Variants in CCDC171 observed in about 807,000 individuals in gnomAD.
CCDC171 encodes the protein coiled-coil domain containing 171, also known as coiled-coil domain-containing protein 171.
In CCDC171, 177 loss-of-function variants were observed where a neutral mutation model predicts 168.2. The observed-to-expected ratio is 1.05, with a 90% CI of 0.93 to 1.19. CCDC171 has a LOEUF of 1.19. CCDC171 is among the 50% of genes most tolerant of loss of function. The pLI is 0.00. For synonymous variants in CCDC171, 687 were observed against 540.8 expected, an observed-to-expected ratio of 1.27 and a Z score of -3.75; for missense variants, 1,991 against 1,539.0, an observed-to-expected ratio of 1.29 and a Z score of -4.91.
intron 11 of CCDC171, 144 bp downstream of exon 11, chr9:15,695,481 T>C: frequency 1.5e-6 from 1 of 666,816 alleles, no homozygotes; most frequent in Non-Finnish European, 2.7e-6. Flanking sequence ...CTCACAGCAG[T>C]CAGTTGGCCT....
chr9:16,044,606 G>T (rs1833627607), intron 1 of CCDC171, among the ~76,000 whole-genome samples: 1 of 151,318 alleles, frequency 6.6e-6, no homozygotes, highest in Non-Finnish European at 1.5e-5. Flanking sequence ...TGTAACTGTA[G>T]GCAGATGTAA....
At chr9:15,842,944 A>G (rs1300639185) in intron 21 of CCDC171, among the ~76,000 whole-genome samples, 3 of 151,936 alleles carry the variant, frequency 2.0e-5, no homozygotes, top group Non-Finnish European at 4.4e-5. Context: ...CATTGAAAAA[A>G]TGTGTGGGTC....
At chr9:16,103,840 G>A in the CCDC171 span, among the ~76,000 whole-genome samples, 37 of 152,334 alleles carry the variant, frequency 2.4e-4, no homozygotes, top group Non-Finnish European at 4.7e-4. Flanking sequence ...CTCCGGGGGG[G>A]CTGGGGGAGA....
intron 21 of CCDC171, among the ~76,000 whole-genome samples, chr9:15,792,515 T>G (rs1056895504): frequency 6.6e-6 from 1 of 151,976 alleles, no homozygotes; most frequent in Non-Finnish European, 1.5e-5. Context: ...CCAAGACACA[T>G]AATTGTCAGA....
chr9:15,832,364 G>C (rs996223882), intron 21 of CCDC171, among the ~76,000 whole-genome samples: 7 of 152,168 alleles, frequency 4.6e-5, no homozygotes, highest in Non-Finnish European at 7.3e-5. Flanking sequence ...GCTGTGCTCT[G>C]AGAAATGTGT....
At chr9:16,074,559 T>G in the CCDC171 span, among the ~76,000 whole-genome samples, 1 of 152,058 alleles carries the variant, frequency 6.6e-6, no homozygotes, top group African/African-American at 2.4e-5. Flanking sequence ...GTGGGGGAGA[T>G]AGAGAATTAA....
intron 7 of CCDC171, among the ~76,000 whole-genome samples, chr9:15,656,900 A>G (rs971406298): frequency 1.3e-5 from 2 of 151,964 alleles, no homozygotes; most frequent in African/African-American, 4.8e-5. Context: ...CACTATGTGT[A>G]GGTTATTATA....
intron 25 of CCDC171, among the ~76,000 whole-genome samples, chr9:15,929,893 A>G (rs993611745): frequency 6.6e-6 from 1 of 151,744 alleles, no homozygotes; most frequent in African/African-American, 2.4e-5. Context: ...TACCATTGAC[A>G]TTCTGGCATA....
intron 4 of CCDC171, among the ~76,000 whole-genome samples, chr9:15,584,606 G>T (rs2041408079): frequency 6.6e-6 from 1 of 152,180 alleles, no homozygotes; most frequent in Admixed American, 6.5e-5. Flanking sequence ...TTCAGAGGTA[G>T]TAGGTCAGAG....
rs1008546248 is a variant in CCDC171 at position 15,657,030 on chromosome 9, ACTAAT to A, written c.823-92_823-88del. ...AAAAAAAAAATGAGGCTGCAAGTCC[ACTAAT>A]CTAAAGTGTTAATTATAATGCTGGA... On this transcript the variant is annotated intron_variant, in intron 7 of 25. Coordinates refer to ENST00000380701, the MANE Select transcript of CCDC171 (RefSeq NM_173550.4). The A allele has an allele frequency of 1.9e-5, 10 of 534,698 alleles. No homozygotes were observed. The African/African-American group carries it at 1.9e-4, about 10-fold the overall frequency. 33.1% of individuals were successfully genotyped at this position (534,698 alleles called of 1,614,324 possible).
At chr9:15,685,728 T>C (rs1165092992) in intron 10 of CCDC171, among the ~76,000 whole-genome samples, 1 of 152,088 alleles carries the variant, frequency 6.6e-6, no homozygotes, top group Admixed American at 6.5e-5. Context: ...GGAATCTTCA[T>C]TAATAAAACT....
intron 3 of CCDC171, among the ~76,000 whole-genome samples, chr9:16,011,836 C>T (rs910284683): frequency 3.3e-5 from 5 of 152,144 alleles, no homozygotes; most frequent in Non-Finnish European, 7.4e-5. Flanking sequence ...AACTTGTTTC[C>T]TTTCTCTGAG....
rs974720633 is a variant in CCDC171, at chr9:15,760,897, C to T, written c.2671+15266C>T. On this transcript the variant is annotated intron_variant, in intron 18 of 25. Coordinates refer to ENST00000380701, the MANE Select transcript of CCDC171 (RefSeq NM_173550.4). ...TTTGCCCACTTGAGATAAATTACCT[C>T]TTCTCGGTATCCAAATGGTGTGCCT... Among the ~76,000 whole-genome samples the T allele has an allele frequency of 3.9e-5, 6 of 152,160 alleles. No homozygotes were observed. The South Asian group carries it at 1.2e-3, about 31-fold the overall frequency.
intron 1 of CCDC171, among the ~76,000 whole-genome samples, chr9:16,047,057 CA>C (rs1833673383): frequency 6.6e-6 from 1 of 152,172 alleles, no homozygotes; most frequent in East Asian, 1.9e-4. Context: ...CTACTTATTT[CA>C]TCACTTACCA....
intron 24 of CCDC171, chr9:15,888,949 C>CTTTTTTTT (rs371508341): frequency 0.014 from 1,056 of 73,338 alleles, 111 homozygotes; most frequent in Non-Finnish European, 0.021. Flanking sequence ...TTTTTCTTTT[C>CTTTTTTTT]TTTTTTTTTT....
At chr9:16,012,956 A>T (rs1356413347) in intron 3 of CCDC171, among the ~76,000 whole-genome samples, 1 of 152,138 alleles carries the variant, frequency 6.6e-6, no homozygotes, top group Non-Finnish European at 1.5e-5. Flanking sequence ...CACACCAGCT[A>T]CCACAGTTTT....
At chr9:15,679,599 G>A (rs1370047319) in intron 10 of CCDC171, among the ~76,000 whole-genome samples, 1 of 152,170 alleles carries the variant, frequency 6.6e-6, no homozygotes, top group South Asian at 2.1e-4. Flanking sequence ...GCCCAGGCTA[G>A]AGTGCAGTGG....
chr9:15,947,481 C>G (rs1589214681), intron 25 of CCDC171, among the ~76,000 whole-genome samples: 1 of 151,972 alleles, frequency 6.6e-6, no homozygotes, highest in Non-Finnish European at 1.5e-5. Flanking sequence ...GCCTATTTCA[C>G]TTAGCATAAT....
rs200561506 is a variant in CCDC171 at position 15,873,356 on chromosome 9, A to G, written c.3469-1176A>G. ...AAATTTTCTATCTTGTATTTTTGCC[A>G]AGTTATATTTGAAGTTGCTTGGATA... is the stretch of plus-strand genomic sequence containing the variant. On this transcript the variant is annotated intron_variant, in intron 23 of 25. Coordinates refer to ENST00000380701, the MANE Select transcript of CCDC171 (RefSeq NM_173550.4). Among the ~76,000 whole-genome samples the G allele has an allele frequency of 5.9e-5, 9 of 152,210 alleles. No individual in the cohort carries two copies. In the East Asian group the frequency reaches 1.7e-3, roughly 29 times the overall value.
Sources: gnomAD v4.1 joint callset for allele counts (sites outside exome capture counted in the v4.1 genomes callset) on GRCh38, gnomAD v4.1.1 for gene constraint, MANE v1.5 for transcripts, NCBI Gene and HGNC (gene_info 2026-07-23, HGNC 2026-07-21) for gene names.